The following SYNE2 variants were observed in gnomAD, a reference collection of about 807,000 sequenced individuals.
The protein encoded by SYNE2 is nesprin-2.
SYNE2 carries 431 observed loss-of-function variants against 856.3 expected under a neutral mutation model. The ratio of observed to expected loss-of-function variants is 0.50; its 90% CI spans 0.47 to 0.55. The LOEUF is 0.55. SYNE2 is among the 20% of genes least tolerant of loss of function. The pLI is 0.00. For synonymous variants in SYNE2, 2,923 were observed against 2,872.3 expected, an observed-to-expected ratio of 1.02 and a Z score of -0.56; for missense variants, 8,129 against 8,023.2, an observed-to-expected ratio of 1.01 and a Z score of -0.50.
chr14:64,117,020 A>G (rs2097858025), intron 66 of SYNE2, among the ~76,000 whole-genome samples: 1 of 152,216 alleles, frequency 6.6e-6, no homozygotes, highest in African/African-American at 2.4e-5. Context: ...TCTATAGAGG[A>G]CATAAGTAGA....
chr14:64,065,539 C>T lies in SYNE2; in HGVS notation c.10320C>T (p.Leu3440=). The T allele has an allele frequency of 6.2e-7, 1 of 1,614,014 alleles. No homozygotes were observed. Among genetic ancestry groups the T allele is most frequent in the Non-Finnish European group, 8.5e-7 (1 of 1,180,010 alleles). The change falls in exon 51 of 116, where the codon CTC becomes CTT. Residue 3440 remains leucine, a synonymous_variant. Coordinates refer to ENST00000555002, the MANE Select transcript of SYNE2 (RefSeq NM_182914.3). ...CAGAAAATGATGGCATATGTTTGCT[C>T]AAGATTGTGTCGGCTCTGTGGGAGA... ...RCTENDGICL[L]KIVSALWEKW... is the part of the protein sequence containing the mutation.
At chr14:64,050,262 T>C in intron 47 of SYNE2, among the ~76,000 whole-genome samples, 1 of 152,278 alleles carries the variant, frequency 6.6e-6, no homozygotes, top group South Asian at 2.1e-4. Flanking sequence ...ACTCCTATCC[T>C]TAGGGGCTCC....
At chr14:64,073,298 G>C (rs2097427818) in intron 52 of SYNE2, among the ~76,000 whole-genome samples, 1 of 152,066 alleles carries the variant, frequency 6.6e-6, no homozygotes, top group African/African-American at 2.4e-5. Context: ...ACCTAGAGTT[G>C]CCTTCTTAGA....
intron 1 of SYNE2, among the ~76,000 whole-genome samples, chr14:63,887,203 C>T (rs1356988963): frequency 6.6e-6 from 1 of 151,926 alleles, no homozygotes; most frequent in Non-Finnish European, 1.5e-5. Context: ...GTTGCTTGAA[C>T]TGGGGAGGCG....
At chr14:63,929,804 G>A (rs1191906114) in intron 2 of SYNE2, among the ~76,000 whole-genome samples, 1 of 151,436 alleles carries the variant, frequency 6.6e-6, no homozygotes, top group Non-Finnish European at 1.5e-5. Flanking sequence ...TCTCTGTAGA[G>A]ATATTCGACT....
intron 1 of SYNE2, among the ~76,000 whole-genome samples, chr14:63,775,009 TCTTGCCGCC>T (rs1216547817): frequency 6.6e-6 from 1 of 152,150 alleles, no homozygotes; most frequent in Non-Finnish European, 1.5e-5. Flanking sequence ...GGAGTTTCAC[TCTTGCCGCC>T]CAAGCTGGAG....
At chr14:63,814,163 G>A (rs997450140) in intron 1 of SYNE2, among the ~76,000 whole-genome samples, 116 of 150,522 alleles carry the variant, frequency 7.7e-4, no homozygotes, top group South Asian at 6.3e-4. Flanking sequence ...CCAGCTACTC[G>A]GGAGGCTGAG....
intron 11 of SYNE2, among the ~76,000 whole-genome samples, chr14:63,976,289 C>G (rs999114541): frequency 6.6e-6 from 1 of 152,136 alleles, no homozygotes; most frequent in Non-Finnish European, 1.5e-5. Flanking sequence ...GAATTTCCTC[C>G]ATATCTTATT....
Position 64,122,427 on chromosome 14 carries a change from G to A in SYNE2, c.13422G>A (p.Gln4474=). The change falls in exon 70 of 116, where the codon CAG becomes CAA. Residue 4474 remains glutamine (Q), a splice_region_variant and synonymous_variant. Coordinates refer to ENST00000555002, the MANE Select transcript of SYNE2 (RefSeq NM_182914.3). Reference sequence around the variant, plus strand: ...CACTCCCTCAGCTTGTGGAGCCTCAGGTCAGTCTGTATCTACATGGTGCAA... The same window carrying A: ...CACTCCCTCAGCTTGTGGAGCCTCAAGTCAGTCTGTATCTACATGGTGCAA... ...KLPLPQLVEP[Q]VSTNMGILPS... 6.2e-7 allele frequency: 1 copy of A among 1,614,134 alleles called. No homozygotes were observed. Among genetic ancestry groups the A allele is most frequent in the Non-Finnish European group, 8.5e-7 (1 of 1,180,030 alleles).
At chr14:63,987,614 G>T (rs1266910862) in intron 19 of SYNE2, among the ~76,000 whole-genome samples, 1 of 152,026 alleles carries the variant, frequency 6.6e-6, no homozygotes, top group Admixed American at 6.6e-5. Context: ...TGTTTTCATT[G>T]TGTGATAGTT....
rs1379287625 is a variant in SYNE2, at chr14:64,226,333, G to GC, written c.*809dup. 1 of 142,444 alleles carries GC rather than the reference G, an allele frequency of 7.0e-6. No individual in the cohort carries two copies. Among genetic ancestry groups the GC allele is most frequent in the Non-Finnish European group, 1.5e-5 (1 of 65,830 alleles). 8.8% of individuals were successfully genotyped at this position (142,444 alleles called of 1,614,324 possible). A position where few individuals can be genotyped will look rare whatever the true frequency, so the allele number is the denominator to read the frequency against. On this transcript the variant is annotated 3_prime_UTR_variant, in exon 116 of 116. Transcript: ENST00000555002. ...CTTTGCTTTGGGTTTTAACTGTTTG[G>GC]CCACGGCGGGGGTGGGGGCGGGGGG...
chr14:64,134,099 T>A lies in SYNE2; in HGVS notation c.14545T>A (p.Ser4849Thr), dbSNP rs1567410146. ...KWEEFDENYA[S>T]LEKDLEILIS... ...GGAAGAATTTGATGAAAACTATGCA[T>A]CTCTTGAAAAGGACCTGGAAATTCT... Residue 4849 changes from serine (S) to threonine (T), a missense_variant, in exon 78 of 116, where the codon TCT (serine) becomes ACT (threonine). Physicochemically the swap from Ser to Thr is moderately conservative, Grantham distance 58. This residue lies in a region of SYNE2 where 5,410 missense variants were observed against 5,284.8 expected (regional missense o/e 1.02). Transcript: ENST00000555002. The A allele has an allele frequency of 1.2e-6, 2 of 1,614,096 alleles. No individual in the cohort carries two copies. The highest frequency in any genetic ancestry group is 1.7e-6 in the Non-Finnish European group (2 of 1,179,972).
intron 115 of SYNE2, 67 bp from the exon 116 acceptor site, chr14:64,225,251 GC>G: frequency 6.2e-7 from 1 of 1,611,686 alleles, no homozygotes; most frequent in East Asian, 2.2e-5. Flanking sequence ...ATAAGCAGGG[GC>G]TTAGGTAATA....
chr14:63,791,945 A>G (rs1359688868), intron 1 of SYNE2, among the ~76,000 whole-genome samples: 2 of 150,976 alleles, frequency 1.3e-5, no homozygotes, highest in African/African-American at 4.9e-5. Context: ...CTCCGTCTCA[A>G]AAAAAAAAAC....
At chr14:64,005,663 A>G (rs1197627694) in intron 30 of SYNE2, among the ~76,000 whole-genome samples, 1 of 152,240 alleles carries the variant, frequency 6.6e-6, no homozygotes, top group African/African-American at 2.4e-5. Flanking sequence ...GATATATTCA[A>G]GATACTTATT....
intron 45 of SYNE2, among the ~76,000 whole-genome samples, chr14:64,047,061 C>T (rs758448431): frequency 6.6e-6 from 1 of 152,202 alleles, no homozygotes; most frequent in African/African-American, 2.4e-5. Flanking sequence ...TCTGGGTACC[C>T]ACACTTGGTG....
intron 67 of SYNE2, 135 bp from the exon 68 acceptor site, chr14:64,120,792 A>G (rs2097892627): frequency 2.1e-6 from 2 of 931,340 alleles, no homozygotes; most frequent in African/African-American, 3.4e-5. Flanking sequence ...ATTATAGTAT[A>G]TAATTATAGC....
At chr14:64,107,452 G>T in intron 64 of SYNE2, 39 bp from the exon 65 acceptor site, 1 of 1,554,052 alleles carries the variant, frequency 6.4e-7, no homozygotes, top group Non-Finnish European at 8.9e-7. Context: ...TGGCACCAGG[G>T]CAGGACCCTT....
intron 1 of SYNE2, among the ~76,000 whole-genome samples, chr14:63,874,393 C>T (rs1324963991): frequency 6.6e-6 from 1 of 152,174 alleles, no homozygotes; most frequent in Non-Finnish European, 1.5e-5. Flanking sequence ...CTCTGCTTCT[C>T]ACCTCCTGGC....
Sources: allele counts gnomAD v4.1 joint callset (sites outside exome capture counted in the v4.1 genomes callset), GRCh38; gene constraint gnomAD v4.1.1; regional missense constraint gnomAD v4.1.1; transcripts MANE v1.5; gene names NCBI Gene and HGNC (gene_info 2026-07-23, HGNC 2026-07-21).